Variants in FSTL4 observed in about 807,000 individuals in gnomAD.
The protein encoded by FSTL4 is follistatin-related protein 4.
FSTL4 carries 28 observed loss-of-function variants against 78.2 expected under a neutral mutation model. The observed-to-expected ratio is 0.36, with a 90% CI of 0.27 to 0.49. FSTL4 has a LOEUF of 0.49. Among genes scored for constraint, FSTL4 ranks in the 20% least tolerant of loss-of-function variants. The pLI is 0.98. For missense variants in FSTL4, 922 were observed against 1,084.9 expected (o/e 0.85, Z 2.11); for synonymous variants, 422 against 440.5 (o/e 0.96, Z 0.53).
chr5:133,715,773 T>C, the FSTL4 span, among the ~76,000 whole-genome samples: 583 of 152,278 alleles, frequency 3.8e-3, 3 homozygotes, highest in African/African-American at 0.013. Context: ...TGGAATGCCT[T>C]GCGAAATCCC....
At chr5:133,745,653 C>T in the FSTL4 span, among the ~76,000 whole-genome samples, 65,939 of 152,008 alleles carry the variant, frequency 0.43, 14,908 homozygotes, top group East Asian at 0.86. Flanking sequence ...CCTCATCAGA[C>T]TCATTCATAA....
intron 4 of FSTL4, among the ~76,000 whole-genome samples, chr5:133,397,824 G>T (rs1223812263): frequency 6.6e-6 from 1 of 152,234 alleles, no homozygotes; most frequent in African/African-American, 2.4e-5. Context: ...ACTTCTTCTT[G>T]TAAAGTCTGA....
chr5:133,753,332 G>A, the FSTL4 span, among the ~76,000 whole-genome samples: 9 of 152,166 alleles, frequency 5.9e-5, no homozygotes, highest in Non-Finnish European at 1.0e-4. Context: ...CCCCAGATGG[G>A]CATGTGTCCA....
chr5:133,318,254 T>C (rs1394831759), intron 4 of FSTL4, among the ~76,000 whole-genome samples: 2 of 152,208 alleles, frequency 1.3e-5, no homozygotes, highest in African/African-American at 4.8e-5. Flanking sequence ...TGGTAGGATA[T>C]TGATTCCTGG....
At chr5:133,333,608 C>G (rs1433419575) in intron 4 of FSTL4, among the ~76,000 whole-genome samples, 1 of 152,214 alleles carries the variant, frequency 6.6e-6, no homozygotes, top group Non-Finnish European at 1.5e-5. Flanking sequence ...TCTATCTCAT[C>G]CAGGGCTGAG....
chr5:133,699,729 A>G, the FSTL4 span, among the ~76,000 whole-genome samples: 2 of 151,976 alleles, frequency 1.3e-5, no homozygotes, highest in Admixed American at 1.3e-4. Context: ...AAAATACAAA[A>G]AATTAGCCAG....
Position 133,338,991 on chromosome 5 carries a change from G to A in FSTL4, c.410-22339C>T, listed in dbSNP as rs537206325. ...ATCCTCCCCCACTCAGTAGCTGGAG[G>A]AATCTTATGGGGGCTCCCACTGCCT... On this transcript the variant is annotated intron_variant, in intron 4 of 15. Transcript: ENST00000265342. The surrounding 1 kb of genome is among the most constrained non-coding windows in gnomAD (Gnocchi z 4.0). Among the ~76,000 whole-genome samples, 1 of 152,258 alleles carries A rather than the reference G, an allele frequency of 6.6e-6. No homozygotes were observed. Among genetic ancestry groups the A allele is most frequent in the East Asian group, 1.9e-4 (1 of 5,164 alleles).
At chr5:133,514,087 G>A (rs1250670997) in intron 3 of FSTL4, among the ~76,000 whole-genome samples, 1 of 151,784 alleles carries the variant, frequency 6.6e-6, no homozygotes, top group Non-Finnish European at 1.5e-5. Context: ...GCTGAGGCAG[G>A]AGAATGGCGT....
intron 6 of FSTL4, among the ~76,000 whole-genome samples, chr5:133,281,649 G>A (rs568303026): frequency 6.6e-4 from 101 of 152,298 alleles, no homozygotes; most frequent in African/African-American, 2.4e-3. Context: ...ACAAGCAGAC[G>A]GAAGGGGAGT....
the FSTL4 span, among the ~76,000 whole-genome samples, chr5:133,717,243 C>G: frequency 6.6e-6 from 1 of 152,196 alleles, no homozygotes; most frequent in African/African-American, 2.4e-5. Flanking sequence ...TGATGGAATA[C>G]TATGCAGCAA....
intron 6 of FSTL4, among the ~76,000 whole-genome samples, chr5:133,276,202 G>T (rs989596341): frequency 6.6e-6 from 1 of 152,204 alleles, no homozygotes; most frequent in Non-Finnish European, 1.5e-5. Flanking sequence ...TGTCCCCCAG[G>T]GTGGAAGCCA....
At chr5:133,598,530 A>T in intron 2 of FSTL4, among the ~76,000 whole-genome samples, 1 of 152,092 alleles carries the variant, frequency 6.6e-6, no homozygotes. Flanking sequence ...TAACGTCTAT[A>T]GGTGGGAGGT....
chr5:133,727,600 T>C, the FSTL4 span, among the ~76,000 whole-genome samples: 5 of 152,210 alleles, frequency 3.3e-5, no homozygotes, highest in Non-Finnish European at 7.3e-5. Context: ...ACAAGGAGCC[T>C]CTTCAGGGTC....
chr5:133,799,307 T>A, the FSTL4 span, among the ~76,000 whole-genome samples: 1 of 138,268 alleles, frequency 7.2e-6, no homozygotes, highest in Admixed American at 7.4e-5. Flanking sequence ...CTTTCTGGTC[T>A]GGCACTCTGA....
At chr5:133,466,421 A>G (rs1476099689) in intron 3 of FSTL4, among the ~76,000 whole-genome samples, 1 of 152,140 alleles carries the variant, frequency 6.6e-6, no homozygotes, top group East Asian at 1.9e-4. Flanking sequence ...AGGCGCCTGT[A>G]GTCCCAGCTA....
chr5:133,703,326 C>G, the FSTL4 span, among the ~76,000 whole-genome samples: 5 of 152,162 alleles, frequency 3.3e-5, no homozygotes, highest in Admixed American at 2.6e-4. Context: ...TAAAGGGGCT[C>G]CTGCATAGCC....
chr5:133,205,720 T>C (rs1444322143), intron 14 of FSTL4, among the ~76,000 whole-genome samples: 1 of 152,218 alleles, frequency 6.6e-6, no homozygotes, highest in Non-Finnish European at 1.5e-5. Context: ...TAAGTTTCAA[T>C]ATAAAATCTT....
chr5:133,730,633 G>T, the FSTL4 span, among the ~76,000 whole-genome samples: 1 of 152,236 alleles, frequency 6.6e-6, no homozygotes, highest in South Asian at 2.1e-4. Context: ...CTTTCTGGAA[G>T]GAAATATGGC....
Position 133,199,643 on chromosome 5 carries a change from G to C in FSTL4, c.1981C>G (p.Arg661Gly), listed in dbSNP as rs867775539. 1 of 1,614,018 alleles carries C rather than the reference G, an allele frequency of 6.2e-7. No individual in the cohort carries two copies. Among genetic ancestry groups the C allele is most frequent in the Non-Finnish European group, 8.5e-7 (1 of 1,180,038 alleles). ...HLGGYFFIQC[R>G]QDSPASAARQ... Reference sequence around the variant, plus strand: ...GCAGCAGAGGCGGGGCTGTCCTGTCGGCACTGGATGAAGAAGTAGCCGCCC... The same window carrying C: ...GCAGCAGAGGCGGGGCTGTCCTGTCCGCACTGGATGAAGAAGTAGCCGCCC... The change falls in exon 16 of 16, where the codon CGA becomes GGA. Residue 661 changes from arginine to glycine, a missense_variant. By Grantham distance (125) the Arg-to-Gly change is moderately radical. Coordinates refer to ENST00000265342, the MANE Select transcript of FSTL4 (RefSeq NM_015082.2). This position sits in a 1 kb window ranked among gnomAD's most constrained non-coding sequence, Gnocchi z 4.4.
Sources: gnomAD v4.1 joint callset for allele counts (sites outside exome capture counted in the v4.1 genomes callset) on GRCh38, gnomAD v4.1.1 for gene constraint, Gnocchi (gnomAD v3.1) non-coding constraint, MANE v1.5 for transcripts, NCBI Gene and HGNC (gene_info 2026-07-23, HGNC 2026-07-21) for gene names.